Variants in IDO2 observed in about 807,000 individuals in gnomAD.
The protein encoded by IDO2 is indoleamine 2,3-dioxygenase 2.
IDO2 carries 46 observed loss-of-function variants against 45.1 expected under a neutral mutation model. That is an observed-to-expected ratio of 1.02 (90% confidence interval 0.80 to 1.30). The LOEUF (loss-of-function observed/expected upper bound fraction) is 1.30. Ranked by LOEUF, IDO2 falls within the 50% of genes most tolerant of loss-of-function variation. The pLI, the probability that IDO2 is intolerant of heterozygous loss-of-function variation, is 0.00. For synonymous variants in IDO2, 218 were observed against 184.9 expected (o/e 1.18, Z -1.45); for missense variants, 544 against 491.8 (o/e 1.11, Z -1.00).
chr8:40,010,678 T>A (rs530634357), intron 9 of IDO2, among the ~76,000 whole-genome samples: 2 of 152,156 alleles, frequency 1.3e-5, no homozygotes, highest in Non-Finnish European at 2.9e-5. Flanking sequence ...GAGTCAAAGA[T>A]AATTTGCAGG....
intron 2 of IDO2, among the ~76,000 whole-genome samples, chr8:39,961,569 T>TC (rs1054027926): frequency 1.3e-5 from 2 of 151,976 alleles, no homozygotes; most frequent in African/African-American, 4.8e-5. Flanking sequence ...TGATCCGCCC[T>TC]CCTCGGCCTC....
intron 4 of IDO2, among the ~76,000 whole-genome samples, chr8:39,981,539 C>T (rs1052171320): frequency 3.9e-5 from 6 of 151,958 alleles, no homozygotes; most frequent in Non-Finnish European, 7.4e-5. Flanking sequence ...CCAGGGGACC[C>T]GGAGGCTCCC....
At chr8:39,957,042 CAA>C (rs56064306) in intron 2 of IDO2, among the ~76,000 whole-genome samples, 10 of 31,328 alleles carry the variant, frequency 3.2e-4, no homozygotes, top group African/African-American at 1.2e-3. Context: ...GACTCCATCT[CAA>C]AAAAAAAAAA....
chr8:40,008,000 GT>G (rs964250354), intron 9 of IDO2, among the ~76,000 whole-genome samples: 2 of 147,582 alleles, frequency 1.4e-5, no homozygotes, highest in Non-Finnish European at 3.0e-5. Flanking sequence ...GAGGCATCCA[GT>G]ATTCCTTATC....
intron 3 of IDO2, among the ~76,000 whole-genome samples, chr8:39,964,105 G>A (rs1375586602): frequency 6.6e-6 from 1 of 152,134 alleles, no homozygotes; most frequent in East Asian, 1.9e-4. Context: ...TTTGTCCTAG[G>A]TGTTATAGAA....
At chr8:39,966,854 T>C (rs552512291) in intron 3 of IDO2, among the ~76,000 whole-genome samples, 34 of 152,240 alleles carry the variant, frequency 2.2e-4, no homozygotes, top group African/African-American at 7.7e-4. Flanking sequence ...ATGGAAAAAA[T>C]GGGCAACTCA....
At chr8:39,954,854 G>T (rs974448540) in intron 2 of IDO2, among the ~76,000 whole-genome samples, 1 of 151,032 alleles carries the variant, frequency 6.6e-6, no homozygotes, top group Non-Finnish European at 1.5e-5. Context: ...ATAGGGTTTC[G>T]CTATTTTGGT....
intron 9 of IDO2, among the ~76,000 whole-genome samples, chr8:40,008,629 T>C (rs1802258548): frequency 6.6e-6 from 1 of 152,200 alleles, no homozygotes; most frequent in Admixed American, 6.6e-5. Flanking sequence ...TTTTTAGAAT[T>C]ATACCTACCA....
chr8:39,966,763 T>C (rs1808090204), intron 3 of IDO2, among the ~76,000 whole-genome samples: 1 of 152,116 alleles, frequency 6.6e-6, no homozygotes, highest in South Asian at 2.1e-4. Flanking sequence ...GGAAATACAA[T>C]AAGAAAATCC....
Position 40,013,494 on chromosome 8 carries a change from G to A in IDO2, c.720-71G>A, listed in dbSNP as rs546655866. ...ATGTTCCCTTTCTCATTCACTCTCA[G>A]TTTCCATGTCAGAAAATATACCATT... On this transcript the variant is annotated intron_variant, in intron 9 of 10. Coordinates refer to ENST00000502986, the Ensembl canonical transcript of IDO2. 3.2e-4 allele frequency: 448 copies of A among 1,412,102 alleles called. 6 individuals carry two copies. Among genetic ancestry groups the A allele is most frequent in the South Asian group, 2.4e-3 (186 of 76,252 alleles). The allele number at this position is 1,412,102 out of a possible 1,614,324, so 87.5% of individuals were successfully genotyped here. A position where few individuals can be genotyped will look rare whatever the true frequency, so the allele number is the denominator to read the frequency against.
At chr8:39,990,234 A>AC (rs1410681200) in intron 8 of IDO2, among the ~76,000 whole-genome samples, 1 of 151,680 alleles carries the variant, frequency 6.6e-6, no homozygotes, top group African/African-American at 2.4e-5. Context: ...TTTTATTCTA[A>AC]CCCCCTGTGT....
intron 3 of IDO2, among the ~76,000 whole-genome samples, chr8:39,970,479 C>A (rs1028372721): frequency 1.1e-4 from 16 of 152,178 alleles, no homozygotes; most frequent in Non-Finnish European, 1.2e-4. Flanking sequence ...GCAACCTCCA[C>A]CTCCTAGGTT....
At chr8:40,012,717 G>A (rs1460139384) in intron 9 of IDO2, among the ~76,000 whole-genome samples, 1 of 152,078 alleles carries the variant, frequency 6.6e-6, no homozygotes, top group Admixed American at 6.6e-5. Flanking sequence ...CAGGAATCAG[G>A]AAGACAAAGG....
In IDO2 at chr8:39,953,346, A is replaced by G. The variant is rs542783501; in HGVS notation, c.99+4082A>G. 3.3e-5 allele frequency among the ~76,000 whole-genome samples: 5 copies of G among 152,332 alleles called. No individual in the cohort carries two copies. The South Asian group carries it at 1.0e-3, about 32-fold the overall frequency. ...AAGTACTTGGGGAGTTTTAAAAAAT[A>G]CTGATGCCGAAGCTCCACCTAGAAT... On this transcript the variant is annotated intron_variant, in intron 2 of 10. Transcript: ENST00000502986.
intron 3 of IDO2, among the ~76,000 whole-genome samples, chr8:39,973,898 C>T (rs140012947): frequency 0.024 from 3,634 of 152,004 alleles, 140 homozygotes; most frequent in African/African-American, 0.082. Flanking sequence ...CCTGCCACCA[C>T]GCCCAGCTAA....
intron 6 of IDO2, 68 bp from the exon 7 acceptor site, chr8:39,987,803 A>ACT (rs1328713377): frequency 1.1e-6 from 1 of 881,226 alleles, no homozygotes; most frequent in Non-Finnish European, 1.8e-6. Flanking sequence ...TCGGCAGGGA[A>ACT]CTCTGGGCAG....
chr8:40,016,309 T>A (rs2129595716), exon 11 of IDO2: 1 of 397,798 alleles, frequency 2.5e-6, no homozygotes, highest in Middle Eastern at 6.3e-4. Context: ...AATGAATGGA[T>A]CCTATATAAG....
intron 6 of IDO2, among the ~76,000 whole-genome samples, chr8:39,986,679 T>C (rs1277303261): frequency 7.2e-6 from 1 of 139,470 alleles, no homozygotes; most frequent in Non-Finnish European, 1.5e-5. Context: ...TTGAGATAGA[T>C]AGATAGATAG....
chr8:39,978,713 C>T (rs1219919387), intron 3 of IDO2, among the ~76,000 whole-genome samples: 1 of 152,058 alleles, frequency 6.6e-6, no homozygotes, highest in South Asian at 2.1e-4. Context: ...CCATGCAAGA[C>T]TCCTAGGAAA....
Sources: gnomAD v4.1 joint callset for allele counts (sites outside exome capture counted in the v4.1 genomes callset) on GRCh38, gnomAD v4.1.1 for gene constraint, MANE v1.5 for transcripts, NCBI Gene and HGNC (gene_info 2026-07-23, HGNC 2026-07-21) for gene names.